The following SLC9A2 variants were observed in gnomAD, a reference collection of about 807,000 sequenced individuals.
The protein encoded by SLC9A2 is sodium/hydrogen exchanger 2.
In SLC9A2, 42 loss-of-function variants were observed where a neutral mutation model predicts 71.7. The ratio of observed to expected loss-of-function variants is 0.59; its 90% confidence interval spans 0.46 to 0.76. The LOEUF is 0.76. Among genes scored for constraint, SLC9A2 ranks in the 30% least tolerant of loss-of-function variants. The probability of loss-of-function intolerance (pLI) is 0.00; values close to 1 mark genes in which losing one functional copy is unlikely to be tolerated. For synonymous variants in SLC9A2, 396 were observed against 392.5 expected (o/e 1.01, Z -0.10); for missense variants, 829 against 1,017.4 (o/e 0.81, Z 2.52).
intron 1 of SLC9A2, among the ~76,000 whole-genome samples, chr2:102,629,872 G>C (rs1401132923): frequency 6.6e-6 from 1 of 152,050 alleles, no homozygotes; most frequent in Non-Finnish European, 1.5e-5. Context: ...AGTAGTCCTA[G>C]TGGTAAAGTG....
intron 1 of SLC9A2, among the ~76,000 whole-genome samples, chr2:102,635,385 A>G (rs1486918802): frequency 6.6e-6 from 1 of 152,220 alleles, no homozygotes; most frequent in Non-Finnish European, 1.5e-5. Flanking sequence ...AAGTTTCTGG[A>G]TGAGTATGGA....
At chr2:102,637,736 G>A (rs1676495526) in intron 1 of SLC9A2, among the ~76,000 whole-genome samples, 2 of 152,178 alleles carry the variant, frequency 1.3e-5, no homozygotes, top group Admixed American at 6.5e-5. Context: ...GGCACCCCTG[G>A]CCCGTGAGGA....
At chr2:102,656,897 A>G (rs1676953208) in intron 1 of SLC9A2, among the ~76,000 whole-genome samples, 1 of 152,174 alleles carries the variant, frequency 6.6e-6, no homozygotes, top group South Asian at 2.1e-4. Context: ...TTTAGAAATC[A>G]CTGAATTGTT....
chr2:102,646,837 C>A (rs1285408215), intron 1 of SLC9A2, among the ~76,000 whole-genome samples: 2 of 146,404 alleles, frequency 1.4e-5, no homozygotes, highest in African/African-American at 2.6e-5. Flanking sequence ...TCTTAGAGAC[C>A]TACAAAGAGA....
chr2:102,623,850 C>T (rs1047477313), intron 1 of SLC9A2, among the ~76,000 whole-genome samples: 39 of 151,854 alleles, frequency 2.6e-4, no homozygotes, highest in Non-Finnish European at 5.3e-4. Flanking sequence ...GTGGAGGATC[C>T]GAATAACATT....
intron 1 of SLC9A2, among the ~76,000 whole-genome samples, chr2:102,652,671 C>T (rs1397093957): frequency 6.6e-6 from 1 of 152,156 alleles, no homozygotes; most frequent in Non-Finnish European, 1.5e-5. Flanking sequence ...ATATTACTAT[C>T]TGGTCCTTAA....
intron 1 of SLC9A2, 43 bp from the exon 2 acceptor site, chr2:102,657,521 C>G (rs1411512829): frequency 1.4e-6 from 2 of 1,382,004 alleles, no homozygotes; most frequent in Middle Eastern, 3.7e-4. Context: ...CTCCCAAATT[C>G]CTCCATAACC....
At chr2:102,639,880 G>A (rs1193472852) in intron 1 of SLC9A2, among the ~76,000 whole-genome samples, 1 of 152,142 alleles carries the variant, frequency 6.6e-6, no homozygotes, top group African/African-American at 2.4e-5. Context: ...ATGAAATTGA[G>A]ACAAACATAG....
chr2:102,683,471 AGC>A lies in SLC9A2; in HGVS notation c.1216_1217del (p.Ala406ProfsTer11), dbSNP rs1300097742. 2 of 1,613,932 alleles carry A rather than the reference AGC, an allele frequency of 1.2e-6. No individual in the cohort carries two copies. The highest frequency in any genetic ancestry group is 3.3e-4 in the Middle Eastern group (2 of 6,062). ...CCCTGGCCTTCTGCCTCATGTGGCG[AGC>A]CCTGGGTAATGAGTGCTTGTTTGCT... ...FTLAFCLMWR[A>X]LGVFVLTQVI... On this transcript the variant is annotated frameshift_variant, in exon 4 of 12. Coordinates refer to ENST00000233969, the MANE Select transcript of SLC9A2 (RefSeq NM_003048.6). LOFTEE classifies it high-confidence loss of function.
intron 2 of SLC9A2, among the ~76,000 whole-genome samples, chr2:102,660,946 C>T (rs1677036966): frequency 1.3e-5 from 2 of 152,106 alleles, no homozygotes; most frequent in Non-Finnish European, 2.9e-5. Context: ...TAACTCCTTT[C>T]CCAAATTATG....
In SLC9A2 at chr2:102,708,178, A is replaced by G. The variant is rs2104559868; in HGVS notation, c.2128A>G (p.Arg710Gly). 7 of 1,614,190 alleles carry G rather than the reference A, an allele frequency of 4.3e-6. No homozygotes were observed. Among genetic ancestry groups the G allele is most frequent in the Non-Finnish European group, 5.9e-6 (7 of 1,180,036 alleles). ...GACCACCGTGCTCAATTTGCAGCCC[A>G]GAGCCAGGCGCTTCTTGCCAGAACA... ...AGTTVLNLQP[R>G]ARRFLPEQFS... Residue 710 changes from arginine (R) to glycine (G), a missense_variant, in exon 12 of 12, where the codon AGA becomes GGA. By Grantham distance (125) the Arg-to-Gly change is moderately radical. This residue lies in a region of SLC9A2 where 223 missense variants were observed against 197.5 expected (regional missense o/e 1.13). Coordinates refer to ENST00000233969, the MANE Select transcript of SLC9A2 (RefSeq NM_003048.6).
At chr2:102,648,172 G>A (rs1051277414) in intron 1 of SLC9A2, among the ~76,000 whole-genome samples, 1 of 152,188 alleles carries the variant, frequency 6.6e-6, no homozygotes, top group Non-Finnish European at 1.5e-5. Flanking sequence ...TCCCTGGGAT[G>A]CAAGGCTGGT....
At chr2:102,666,253 C>T (rs1009907266) in intron 3 of SLC9A2, among the ~76,000 whole-genome samples, 2 of 139,184 alleles carry the variant, frequency 1.4e-5, no homozygotes, top group Non-Finnish European at 3.0e-5. Flanking sequence ...TTGAGTGCAG[C>T]GGCGTGATCT....
chr2:102,680,158 A>AT (rs11464839), intron 3 of SLC9A2, among the ~76,000 whole-genome samples: 47,064 of 151,290 alleles, frequency 0.31, 8,196 homozygotes, highest in East Asian at 0.48. Context: ...ACTTGGCAAC[A>AT]TTTTTTTTTC....
chr2:102,624,705 T>C (rs1676211248), intron 1 of SLC9A2, among the ~76,000 whole-genome samples: 1 of 152,204 alleles, frequency 6.6e-6, no homozygotes, highest in South Asian at 2.1e-4. Flanking sequence ...CTCTGCTCTT[T>C]TGATTTTCTC....
chr2:102,679,434 T>A (rs991996198), intron 3 of SLC9A2, among the ~76,000 whole-genome samples: 2 of 151,296 alleles, frequency 1.3e-5, no homozygotes, highest in Non-Finnish European at 2.9e-5. Context: ...CAGGCTGGAG[T>A]GCAGTGGCGC....
chr2:102,704,797 G>C (rs1677942599), intron 10 of SLC9A2, 122 bp downstream of exon 10: 2 of 1,105,078 alleles, frequency 1.8e-6, no homozygotes, highest in African/African-American at 3.1e-5. Flanking sequence ...CTGAGGAGCT[G>C]CAGGAAGGCT....
chr2:102,661,844 A>G (rs1215079593), intron 2 of SLC9A2, among the ~76,000 whole-genome samples: 1 of 152,250 alleles, frequency 6.6e-6, no homozygotes, highest in Non-Finnish European at 1.5e-5. Context: ...TAGCCCACAT[A>G]CATAATATAT....
chr2:102,708,418 C>T lies in SLC9A2; in HGVS notation c.2368C>T (p.Pro790Ser), dbSNP rs1328097608. 1.2e-6 allele frequency: 2 copies of T among 1,614,092 alleles called. No homozygotes were observed. The highest frequency in any genetic ancestry group is 1.3e-5 in the African/African-American group (1 of 74,940). ...SLTEGIPPKPPPRLVWRASEP... is the reference protein window; with the variant it reads ...SLTEGIPPKPSPRLVWRASEP... ...GACTGAAGGCATCCCGCCCAAGCCG[C>T]CACCACGGCTGGTCTGGAGGGCATC... Residue 790 changes from proline to serine, a missense_variant, in exon 12 of 12, where the codon CCA (proline) becomes TCA (serine). Transcript: ENST00000233969.
Sources: gnomAD v4.1 joint callset for allele counts (sites outside exome capture counted in the v4.1 genomes callset) on GRCh38, gnomAD v4.1.1 for gene constraint, gnomAD v4.1.1 regional missense constraint, MANE v1.5 for transcripts, NCBI Gene and HGNC (gene_info 2026-07-23, HGNC 2026-07-21) for gene names.